KCTD16: variants seen among roughly 807,000 people sequenced by gnomAD.
KCTD16 encodes the protein potassium channel tetramerization domain containing 16, also known as BTB/POZ domain-containing protein KCTD16.
A neutral mutation model predicts 33.2 loss-of-function variants in KCTD16; 13 were observed. The observed-to-expected ratio is 0.39, with a 90% CI of 0.25 to 0.62. The LOEUF (loss-of-function observed/expected upper bound fraction) is 0.62. Among genes scored for constraint, KCTD16 ranks in the 20% least tolerant of loss-of-function variants. The probability of loss-of-function intolerance (pLI) is 0.50; values close to 1 mark genes in which losing one functional copy is unlikely to be tolerated. For missense variants in KCTD16, 441 were observed against 525.1 expected, an observed-to-expected ratio of 0.84 and a Z score of 1.57; for synonymous variants, 197 against 195.3, an observed-to-expected ratio of 1.01 and a Z score of -0.07.
At chr5:144,367,264 A>G (rs1751857944) in intron 3 of KCTD16, among the ~76,000 whole-genome samples, 1 of 152,198 alleles carries the variant, frequency 6.6e-6, no homozygotes, top group South Asian at 2.1e-4. Context: ...GGGTGGGTGT[A>G]GAGCTGTGCA....
chr5:144,309,981 A>G (rs533243959), intron 3 of KCTD16, among the ~76,000 whole-genome samples: 107 of 150,586 alleles, frequency 7.1e-4, no homozygotes, highest in African/African-American at 2.4e-3. Flanking sequence ...GTCTTTTATA[A>G]TTTTTTTTCT....
intron 3 of KCTD16, among the ~76,000 whole-genome samples, chr5:144,287,244 G>A (rs934859207): frequency 8.2e-5 from 12 of 147,014 alleles, no homozygotes; most frequent in African/African-American, 2.2e-4. Flanking sequence ...AAGAAGGCTC[G>A]TGTCTTCCAC....
intron 3 of KCTD16, among the ~76,000 whole-genome samples, chr5:144,424,565 T>G (rs912585280): frequency 1.3e-5 from 2 of 152,186 alleles, no homozygotes; most frequent in African/African-American, 4.8e-5. Context: ...TTTTCTGCTG[T>G]TACACTAGAA....
chr5:144,185,040 A>G (rs905579933), intron 2 of KCTD16, among the ~76,000 whole-genome samples: 1 of 152,234 alleles, frequency 6.6e-6, no homozygotes, highest in African/African-American at 2.4e-5. Context: ...TAAATATCTT[A>G]CATATATTAA....
At chr5:144,306,647 C>T (rs892268084) in intron 3 of KCTD16, among the ~76,000 whole-genome samples, 1 of 152,188 alleles carries the variant, frequency 6.6e-6, no homozygotes, top group Non-Finnish European at 1.5e-5. Flanking sequence ...CTCTTCAGTG[C>T]TCTGTTTGAC....
At chr5:144,416,745 A>G (rs1046479583) in intron 3 of KCTD16, among the ~76,000 whole-genome samples, 1 of 152,212 alleles carries the variant, frequency 6.6e-6, no homozygotes, top group Non-Finnish European at 1.5e-5. Context: ...ACTCGAAAGT[A>G]AAACTCCTTA....
chr5:144,360,212 A>G (rs1239438571), intron 3 of KCTD16, among the ~76,000 whole-genome samples: 1 of 151,956 alleles, frequency 6.6e-6, no homozygotes, highest in Admixed American at 6.6e-5. Flanking sequence ...CATCTACATT[A>G]GGTATTTTGG....
At chr5:144,443,999 G>T (rs1392405946) in intron 3 of KCTD16, among the ~76,000 whole-genome samples, 1 of 151,928 alleles carries the variant, frequency 6.6e-6, no homozygotes, top group East Asian at 1.9e-4. Context: ...GTGTAATAGG[G>T]TATTCCAGGA....
intron 3 of KCTD16, among the ~76,000 whole-genome samples, chr5:144,219,395 G>T (rs907239844): frequency 6.6e-6 from 1 of 150,504 alleles, no homozygotes; most frequent in African/African-American, 2.4e-5. Flanking sequence ...TGTATTTTTA[G>T]TAGAGACAGG....
chr5:144,457,709 G>T (rs907552099), intron 3 of KCTD16, among the ~76,000 whole-genome samples: 1 of 152,160 alleles, frequency 6.6e-6, no homozygotes, highest in African/African-American at 2.4e-5. Context: ...TATATGTTGT[G>T]ATATTGTTAT....
intron 3 of KCTD16, among the ~76,000 whole-genome samples, chr5:144,345,204 G>T (rs866906160): frequency 5.5e-4 from 77 of 139,026 alleles, no homozygotes; most frequent in African/African-American, 2.0e-3. Context: ...GGGGACTGTT[G>T]TGGGGTGGGG....
intron 3 of KCTD16, among the ~76,000 whole-genome samples, chr5:144,398,706 A>G (rs1349840242): frequency 6.8e-6 from 1 of 146,498 alleles, no homozygotes; most frequent in Admixed American, 6.7e-5. Context: ...ACACACACAC[A>G]CACTCTCTCT....
rs919175645 is a variant in KCTD16 at position 144,465,558 on chromosome 5, A to G, written c.833-8102A>G. Among the ~76,000 whole-genome samples, 19 of 152,038 alleles carry G rather than the reference A, an allele frequency of 1.2e-4. 2 individuals are homozygous for G. Among genetic ancestry groups the G allele is most frequent in the African/African-American group, 1.7e-4 (7 of 41,456 alleles). Reference sequence around the variant, plus strand: ...CACACGATTCTCTTTTCAAACCACTACTGTGGTCGTGTAGGTCTGCCAGCA... The same window carrying G: ...CACACGATTCTCTTTTCAAACCACTGCTGTGGTCGTGTAGGTCTGCCAGCA... On this transcript the variant is annotated intron_variant, in intron 3 of 3. Transcript: ENST00000512467.
chr5:144,331,161 G>A (rs774251315), intron 3 of KCTD16, among the ~76,000 whole-genome samples: 2 of 152,160 alleles, frequency 1.3e-5, no homozygotes, highest in East Asian at 1.9e-4. Context: ...TTCCTTGGTC[G>A]CCAAAAGTTT....
At chr5:144,201,418 T>G (rs1296730473) in intron 2 of KCTD16, among the ~76,000 whole-genome samples, 1 of 152,238 alleles carries the variant, frequency 6.6e-6, no homozygotes, top group Non-Finnish European at 1.5e-5. Flanking sequence ...GTAATGATTT[T>G]GGATGTAGAA....
chr5:144,305,866 A>C (rs10052246), intron 3 of KCTD16, among the ~76,000 whole-genome samples: 8,752 of 152,240 alleles, frequency 0.057, 842 homozygotes, highest in African/African-American at 0.2. Context: ...GAGTCCACCT[A>C]TAAGCCAAGG....
At chr5:144,412,757 G>C (rs778777437) in intron 3 of KCTD16, among the ~76,000 whole-genome samples, 3 of 151,970 alleles carry the variant, frequency 2.0e-5, no homozygotes, top group Non-Finnish European at 4.4e-5. Context: ...ATGGTGGTGC[G>C]CACCTGTAAT....
intron 3 of KCTD16, among the ~76,000 whole-genome samples, chr5:144,304,060 T>C (rs1377363143): frequency 2.6e-5 from 4 of 152,054 alleles, no homozygotes; most frequent in East Asian, 1.9e-4. Flanking sequence ...TAGGTATACA[T>C]TTTCTGGCTC....
At chr5:144,364,103 G>C (rs951132063) in intron 3 of KCTD16, among the ~76,000 whole-genome samples, 1 of 152,026 alleles carries the variant, frequency 6.6e-6, no homozygotes, top group Non-Finnish European at 1.5e-5. Flanking sequence ...GTCACTTTTG[G>C]AATGAAAATA....
Sources: gnomAD v4.1 joint callset for allele counts (sites outside exome capture counted in the v4.1 genomes callset) on GRCh38, gnomAD v4.1.1 for gene constraint, MANE v1.5 for transcripts, NCBI Gene and HGNC (gene_info 2026-07-23, HGNC 2026-07-21) for gene names.